Variants in HEPHL1 observed in about 807,000 individuals in gnomAD.
HEPHL1 encodes hephaestin like 1, also known as ferroxidase HEPHL1.
Under a neutral mutation model 122.0 loss-of-function variants are expected in HEPHL1, and 123 were observed. That is an observed-to-expected ratio of 1.01 (90% CI 0.87 to 1.17). The LOEUF is 1.17. Ranked by LOEUF, HEPHL1 falls within the 50% of genes most tolerant of loss-of-function variation. HEPHL1 has a pLI of 0.00. For synonymous variants in HEPHL1, 527 were observed against 508.9 expected, an observed-to-expected ratio of 1.04 and a Z score of -0.48; for missense variants, 1,452 against 1,430.5, an observed-to-expected ratio of 1.01 and a Z score of -0.24.
At chr11:94,077,892 T>C (rs952511034) in intron 9 of HEPHL1, among the ~76,000 whole-genome samples, 1 of 152,202 alleles carries the variant, frequency 6.6e-6, no homozygotes, top group Non-Finnish European at 1.5e-5. Context: ...CGTGGCTAGT[T>C]CTTCTTGTCA....
At chr11:94,054,245 A>G (rs1032251751) in intron 2 of HEPHL1, among the ~76,000 whole-genome samples, 4 of 152,234 alleles carry the variant, frequency 2.6e-5, no homozygotes, top group Non-Finnish European at 5.9e-5. Context: ...GTTTAGCCCC[A>G]GAAGGATTCA....
chr11:94,021,626 A>C lies in HEPHL1; in HGVS notation c.170+88A>C, dbSNP rs982602655. The C allele has an allele frequency of 9.7e-6, 10 of 1,033,050 alleles. No individual in the cohort carries two copies. In the African/African-American group the frequency reaches 1.4e-4, roughly 15 times the overall value. 64.0% of individuals were successfully genotyped at this position (1,033,050 alleles called of 1,614,324 possible). A position where few individuals can be genotyped will look rare whatever the true frequency, so the allele number is the denominator to read the frequency against. On this transcript the variant is annotated intron_variant, in intron 1 of 19. Coordinates refer to ENST00000315765, the MANE Select transcript of HEPHL1 (RefSeq NM_001098672.2). ...AAGGTTGTATTTCTTGGGTACTTAC[A>C]ATGGGGGTGAGTTGATCTAGACCAA...
rs577370024 is a variant in HEPHL1, at chr11:94,090,137, C to T, written c.2294+1169C>T. ...TTTTTTTTAAGATTTCCCTTAAGAA[C>T]AGGAGAATTTTAAATCCATTCAATT... is the stretch of plus-strand genomic sequence containing the variant. On this transcript the variant is annotated intron_variant, in intron 12 of 19. Transcript: ENST00000315765. 1.3e-3 allele frequency among the ~76,000 whole-genome samples: 204 copies of T among 151,882 alleles called. 1 individual carries two copies. Among genetic ancestry groups the T allele is most frequent in the African/African-American group, 4.7e-3 (193 of 41,402 alleles).
chr11:94,074,624 G>C (rs942677916), intron 8 of HEPHL1, among the ~76,000 whole-genome samples: 1 of 152,082 alleles, frequency 6.6e-6, no homozygotes, highest in Non-Finnish European at 1.5e-5. Context: ...TACGGTGTAA[G>C]GGTTAAGTGC....
intron 9 of HEPHL1, among the ~76,000 whole-genome samples, chr11:94,078,068 C>G (rs1392613091): frequency 6.6e-6 from 1 of 152,106 alleles, no homozygotes; most frequent in Non-Finnish European, 1.5e-5. Flanking sequence ...GAGCAAGGAC[C>G]TTGCCTATCT....
chr11:94,033,272 G>A (rs544541100), intron 1 of HEPHL1, among the ~76,000 whole-genome samples: 1 of 152,278 alleles, frequency 6.6e-6, no homozygotes, highest in Admixed American at 6.5e-5. Flanking sequence ...CAGGGATTGA[G>A]GTTGCTGCAG....
At position 94,033,510 on chromosome 11, in the gene HEPHL1, G is replaced by A. The variant is rs185680596; in HGVS notation, c.170+11972G>A. ...GTGCCCCCACCCTCATATCCACAGC[G>A]GACATCTAGTGTGGATCATGGTGTT... On this transcript the variant is annotated intron_variant, in intron 1 of 19. Transcript: ENST00000315765. Among the ~76,000 whole-genome samples, 14 of 152,200 alleles carry A rather than the reference G, an allele frequency of 9.2e-5. No homozygotes were observed. The East Asian group carries it at 1.9e-3, about 21-fold the overall frequency.
intron 4 of HEPHL1, among the ~76,000 whole-genome samples, chr11:94,066,263 A>G (rs942653353): frequency 1.3e-5 from 2 of 152,078 alleles, no homozygotes; most frequent in Admixed American, 1.3e-4. Flanking sequence ...ATCCTTCAAG[A>G]CTGGAAAAGG....
intron 1 of HEPHL1, among the ~76,000 whole-genome samples, chr11:94,039,530 C>T (rs1168491430): frequency 6.6e-6 from 1 of 151,048 alleles, no homozygotes; most frequent in Non-Finnish European, 1.5e-5. Context: ...TCTCTCAGAC[C>T]ACAGTGCAAT....
Position 94,021,390 on chromosome 11 carries a change from G to A in HEPHL1, c.22G>A (p.Gly8Ser). 3.1e-6 allele frequency: 5 copies of A among 1,613,086 alleles called. No homozygotes were observed. The highest frequency in any genetic ancestry group is 4.2e-6 in the Non-Finnish European group (5 of 1,179,526). The change falls in exon 1 of 20, where the codon GGC becomes AGC. Residue 8 changes from glycine to serine, a missense_variant. Transcript: ENST00000315765. The part of the protein sequence containing the change: MPRKQPA[G>S]CIFLLTFLGL... ...ACAAATGCCTCGGAAGCAGCCAGCT[G>A]GCTGCATCTTTCTCCTCACATTCCT... is the stretch of plus-strand genomic sequence containing the variant.
chr11:94,069,290 G>GT (rs1591476735), intron 5 of HEPHL1, among the ~76,000 whole-genome samples: 1 of 151,998 alleles, frequency 6.6e-6, no homozygotes, highest in Non-Finnish European at 1.5e-5. Flanking sequence ...ATAATTGGAG[G>GT]TTTTTTAACA....
At chr11:94,060,483 C>A (rs1234791011) in intron 2 of HEPHL1, among the ~76,000 whole-genome samples, 1 of 152,068 alleles carries the variant, frequency 6.6e-6, no homozygotes, top group African/African-American at 2.4e-5. Context: ...TTATAGATAT[C>A]ATATCCTACA....
At chr11:94,037,233 C>T (rs1223505545) in intron 1 of HEPHL1, among the ~76,000 whole-genome samples, 4 of 152,088 alleles carry the variant, frequency 2.6e-5, no homozygotes, top group Non-Finnish European at 4.4e-5. Context: ...CACGGAGTCT[C>T]GCTGATTGCT....
rs1040876916 is a variant in HEPHL1, at chr11:94,064,478, A to T, written c.776A>T (p.Asp259Val). Residue 259 changes from aspartate (D) to valine (V), a missense_variant, in exon 4 of 20, where the codon GAT becomes GTT. Asp to Val is a radical substitution (Grantham distance 152, BLOSUM62 -3). Transcript: ENST00000315765. ...CTNPDSVDKK[D>V]AVFQRSNKMH... ...AACCCTGATTCAGTTGACAAGAAAG[A>T]TGCTGTTTTCCAGAGGAGTAACAAA... 22 of 1,613,198 alleles carry T rather than the reference A, an allele frequency of 1.4e-5. No homozygotes were observed. Among genetic ancestry groups the T allele is most frequent in the Non-Finnish European group, 1.8e-5 (21 of 1,179,476 alleles).
chr11:94,078,559 A>G (rs949171694), intron 9 of HEPHL1, among the ~76,000 whole-genome samples: 2 of 151,232 alleles, frequency 1.3e-5, no homozygotes, highest in Non-Finnish European at 2.9e-5. Flanking sequence ...CAGCACCTGC[A>G]GGCTGAGTCA....
chr11:94,078,903 C>G (rs1946147771), intron 9 of HEPHL1, among the ~76,000 whole-genome samples: 1 of 152,114 alleles, frequency 6.6e-6, no homozygotes. Context: ...AAAATCTGGG[C>G]ACACTGTGGC....
chr11:94,029,697 T>C (rs1945656468), intron 1 of HEPHL1, among the ~76,000 whole-genome samples: 1 of 152,200 alleles, frequency 6.6e-6, no homozygotes, highest in South Asian at 2.1e-4. Context: ...GGGGTGACTA[T>C]TGGCTGTATA....
At position 94,073,113 on chromosome 11, in the gene HEPHL1, T is replaced by A. The variant is rs1336526445; in HGVS notation, c.1321T>A (p.Phe441Ile). ...VRYTEFVDAT[F>I]TKRKRLSAEE... is the part of the protein sequence containing the mutation. Reference sequence around the variant, plus strand: ...GTATACTGAATTTGTTGATGCAACTTTTACTAAAAGAAAGAGACTCTCTGC... The same window carrying A: ...GTATACTGAATTTGTTGATGCAACTATTACTAAAAGAAAGAGACTCTCTGC... Residue 441 changes from phenylalanine (F) to isoleucine (I), a missense_variant, in exon 7 of 20, where the codon TTT (phenylalanine) becomes ATT (isoleucine). Physicochemically the swap from Phe to Ile is conservative, Grantham distance 21. Coordinates refer to ENST00000315765, the MANE Select transcript of HEPHL1 (RefSeq NM_001098672.2). 1 of 1,613,154 alleles carries A rather than the reference T, an allele frequency of 6.2e-7. No individual in the cohort carries two copies. The highest frequency in any genetic ancestry group is 2.2e-5 in the East Asian group (1 of 44,868).
chr11:94,068,404 A>G (rs1271292656), intron 5 of HEPHL1, among the ~76,000 whole-genome samples: 1 of 152,178 alleles, frequency 6.6e-6, no homozygotes, highest in Non-Finnish European at 1.5e-5. Flanking sequence ...TCAAATTGAG[A>G]CAAAATCCAT....
Sources: gnomAD v4.1 joint callset for allele counts (sites outside exome capture counted in the v4.1 genomes callset) on GRCh38, gnomAD v4.1.1 for gene constraint, MANE v1.5 for transcripts, NCBI Gene and HGNC (gene_info 2026-07-23, HGNC 2026-07-21) for gene names.